The following MED15 variants were observed in gnomAD, a reference collection of about 807,000 sequenced individuals.
The protein encoded by MED15 is mediator complex subunit 15.
Under a neutral mutation model 118.7 loss-of-function variants are expected in MED15, and 41 were observed. That is an observed-to-expected ratio of 0.35 (90% confidence interval 0.27 to 0.45). The LOEUF (loss-of-function observed/expected upper bound fraction) is 0.45. Ranked by LOEUF, MED15 falls within the 20% of genes least tolerant of loss-of-function variation. The pLI is 1.00. For missense variants in MED15, 740 were observed against 1,025.5 expected, an observed-to-expected ratio of 0.72 and a Z score of 3.80; for synonymous variants, 436 against 413.9, an observed-to-expected ratio of 1.05 and a Z score of -0.65.
chr22:20,539,563 T>C (rs1279011684), intron 2 of MED15, among the ~76,000 whole-genome samples: 2 of 152,224 alleles, frequency 1.3e-5, no homozygotes, highest in Non-Finnish European at 2.9e-5. Flanking sequence ...AATTTTTGTG[T>C]GGGCTGTGTT....
chr22:20,579,922 G>A (rs879767664), intron 9 of MED15, among the ~76,000 whole-genome samples: 2 of 151,950 alleles, frequency 1.3e-5, no homozygotes, highest in South Asian at 2.1e-4. Flanking sequence ...GTGACACACC[G>A]GCGCCCGACC....
At chr22:20,527,918 C>G (rs1428552602) in intron 1 of MED15, among the ~76,000 whole-genome samples, 1 of 147,224 alleles carries the variant, frequency 6.8e-6, no homozygotes, top group Non-Finnish European at 1.5e-5. Flanking sequence ...GATCGTGCCA[C>G]TGGACTCCAG....
chr22:20,536,847 C>G (rs933919061), intron 1 of MED15, among the ~76,000 whole-genome samples: 3 of 152,228 alleles, frequency 2.0e-5, no homozygotes, highest in Non-Finnish European at 4.4e-5. Context: ...ACCCCTCCCC[C>G]GCCCCGTCCC....
chr22:20,558,575 C>G (rs920771040), intron 5 of MED15, among the ~76,000 whole-genome samples: 2 of 152,152 alleles, frequency 1.3e-5, no homozygotes, highest in Admixed American at 6.5e-5. Flanking sequence ...GTGTGATGGA[C>G]TGGGGTGCTG....
At chr22:20,551,776 G>A (rs146152796) in intron 3 of MED15, 3 of 462,232 alleles carry the variant, frequency 6.5e-6, no homozygotes, top group Non-Finnish European at 1.2e-5. Flanking sequence ...CCTTTTCATA[G>A]GGCTGTTGTT....
chr22:20,576,840 T>G (rs181442307), intron 9 of MED15, among the ~76,000 whole-genome samples: 222 of 152,284 alleles, frequency 1.5e-3, no homozygotes, highest in African/African-American at 5.1e-3. Context: ...CCCTTTGGGT[T>G]CTGCACTCTT....
chr22:20,510,282 A>C (rs1269626273), intron 1 of MED15, among the ~76,000 whole-genome samples: 2 of 152,112 alleles, frequency 1.3e-5, no homozygotes, highest in Non-Finnish European at 2.9e-5. Context: ...GCTACTCAAG[A>C]GTCTGAGGCA....
chr22:20,571,314 TG>T (rs2056654322), intron 8 of MED15, among the ~76,000 whole-genome samples: 1 of 152,186 alleles, frequency 6.6e-6, no homozygotes, highest in Non-Finnish European at 1.5e-5. Context: ...TTGTTTCAGG[TG>T]GAGGTCCCCG....
Position 20,585,156 on chromosome 22 carries a change from A to G in MED15, c.2020A>G (p.Ile674Val), listed in dbSNP as rs545357841. The G allele has an allele frequency of 1.5e-5, 25 of 1,613,710 alleles. No individual in the cohort carries two copies. Among genetic ancestry groups the G allele is most frequent in the South Asian group, 4.4e-5 (4 of 91,082 alleles). The change falls in exon 16 of 18, where the codon ATC (isoleucine) becomes GTC (valine). Residue 674 changes from isoleucine (I) to valine (V), a missense_variant. Transcript: ENST00000263205. ...GCTTGAGGATGATGAGCGGCAGAGCATCCCCAGTGTGCTCCAGGGTGAGGT... is the reference window on the plus strand; with the variant it reads ...GCTTGAGGATGATGAGCGGCAGAGCGTCCCCAGTGTGCTCCAGGGTGAGGT... ...RRLEDDERQS[I>V]PSVLQGEVAR... is the part of the protein sequence containing the mutation.
chr22:20,536,990 C>A, intron 1 of MED15, 127 bp from the exon 2 acceptor site: 1 of 749,604 alleles, frequency 1.3e-6, no homozygotes, highest in Non-Finnish European at 2.2e-6. Context: ...GGACCTCAGC[C>A]AGGCTGGTGT....
At chr22:20,531,747 G>A (rs1447044174) in intron 1 of MED15, among the ~76,000 whole-genome samples, 5 of 152,250 alleles carry the variant, frequency 3.3e-5, no homozygotes, top group Non-Finnish European at 5.9e-5. Flanking sequence ...AAAAGTGGAC[G>A]CCGTTGTCTC....
In MED15 at chr22:20,582,631, C is replaced by A; in HGVS notation, c.1293C>A (p.Pro431=). The A allele has an allele frequency of 6.4e-7, 1 of 1,569,962 alleles. No homozygotes were observed. ...TCCAGGTCAGCCAGAGCAGCCTCCC[C>A]ATGCTGTCCTCGCCGTCACCGGGCC... ...PMAQVSQSSL[P]MLSSPSPGQQ... Residue 431 remains proline (P), a synonymous_variant, in exon 10 of 18, where the codon CCC becomes CCA. Coordinates refer to ENST00000263205, the MANE Select transcript of MED15 (RefSeq NM_001003891.3).
At chr22:20,564,336 C>T (rs750262843) in intron 5 of MED15, 114 bp from the exon 6 acceptor site, 17 of 1,522,310 alleles carry the variant, frequency 1.1e-5, no homozygotes, top group African/African-American at 4.1e-5. Flanking sequence ...CAGATTCCAG[C>T]GGCAGCCGTG....
intron 13 of MED15, chr22:20,584,051 T>C (rs2057065091): frequency 2.4e-6 from 1 of 412,550 alleles, no homozygotes; most frequent in Non-Finnish European, 4.5e-6. Flanking sequence ...GTTGATCCTT[T>C]GTTAGGGTTA....
intron 2 of MED15, among the ~76,000 whole-genome samples, chr22:20,541,386 G>C (rs2146466077): frequency 6.6e-6 from 1 of 152,336 alleles, no homozygotes; most frequent in East Asian, 1.9e-4. Context: ...TTAGGGGATT[G>C]CAAATAAAAA....
intron 1 of MED15, among the ~76,000 whole-genome samples, chr22:20,509,843 C>T (rs1440568441): frequency 6.6e-6 from 1 of 152,070 alleles, no homozygotes; most frequent in Non-Finnish European, 1.5e-5. Flanking sequence ...GGCAAGGGTT[C>T]TTCTCTGGGA....
chr22:20,554,900 C>A lies in MED15; in HGVS notation c.239-36C>A, dbSNP rs1257600101. Reference sequence around the variant, plus strand: ...TTGAGCCATGGTCAGTCTGGTAGGCCCTTTCCTGAGAAGCTCTGCCCTTGT... The same window carrying A: ...TTGAGCCATGGTCAGTCTGGTAGGCACTTTCCTGAGAAGCTCTGCCCTTGT... On this transcript the variant is annotated intron_variant, in intron 4 of 17. Transcript: ENST00000263205. 15 of 1,562,010 alleles carry A rather than the reference C, an allele frequency of 9.6e-6. No individual in the cohort carries two copies. In the Admixed American group the frequency reaches 2.6e-4, roughly 27 times the overall value.
intron 14 of MED15, chr22:20,584,634 T>G (rs530194851): frequency 2.6e-5 from 21 of 811,610 alleles, no homozygotes; most frequent in Non-Finnish European, 4.0e-5. Flanking sequence ...CGTGGGTGCC[T>G]CCTTCACCCA....
At chr22:20,531,740 AGTG>A (rs2054870973) in intron 1 of MED15, among the ~76,000 whole-genome samples, 1 of 152,256 alleles carries the variant, frequency 6.6e-6, no homozygotes, top group Admixed American at 6.5e-5. Context: ...TGCACACAAA[AGTG>A]GACGCCGTTG....
Sources: allele counts gnomAD v4.1 joint callset (sites outside exome capture counted in the v4.1 genomes callset), GRCh38; gene constraint gnomAD v4.1.1; transcripts MANE v1.5; gene names NCBI Gene and HGNC (gene_info 2026-07-23, HGNC 2026-07-21).